The following KCND2 variants were observed in gnomAD, a reference collection of about 807,000 sequenced individuals.
KCND2 encodes potassium voltage-gated channel subfamily D member 2.
Under a neutral mutation model 54.4 loss-of-function variants are expected in KCND2, and 16 were observed. That is an observed-to-expected ratio of 0.29 (90% CI 0.20 to 0.45). KCND2 has a LOEUF of 0.45. Ranked by LOEUF, KCND2 falls within the 20% of genes least tolerant of loss-of-function variation. KCND2 has a pLI of 1.00. For missense variants in KCND2, 486 were observed against 824.2 expected, an observed-to-expected ratio of 0.59 and a Z score of 5.02; for synonymous variants, 317 against 310.7, an observed-to-expected ratio of 1.02 and a Z score of -0.21.
In KCND2 at chr7:120,596,020, T is replaced by A. The variant is rs546804391; in HGVS notation, c.1116-136883T>A. 6.6e-5 allele frequency among the ~76,000 whole-genome samples: 10 copies of A among 152,226 alleles called. No individual in the cohort carries two copies. The East Asian group carries it at 1.7e-3, about 26-fold the overall frequency. On this transcript the variant is annotated intron_variant, in intron 1 of 5. Coordinates refer to ENST00000331113, the MANE Select transcript of KCND2 (RefSeq NM_012281.3). The stretch of plus-strand genomic sequence containing the variant: ...TGTTGACCTTTTATTTGCCGTTTTG[T>A]TAGTGTTAATGAAACCAGACCCCAA...
At chr7:120,643,715 A>G (rs1388938790) in intron 1 of KCND2, among the ~76,000 whole-genome samples, 1 of 151,812 alleles carries the variant, frequency 6.6e-6, no homozygotes, top group African/African-American at 2.4e-5. Context: ...TATTACATAC[A>G]TACAGTGCAA....
chr7:120,564,840 A>C (rs1690251196), intron 1 of KCND2, among the ~76,000 whole-genome samples: 2 of 152,178 alleles, frequency 1.3e-5, no homozygotes, highest in African/African-American at 4.8e-5. Flanking sequence ...TTTACATTTT[A>C]ATGAGCACCT....
chr7:120,432,730 C>T lies in KCND2; in HGVS notation c.1115+156983C>T, dbSNP rs150993184. ...CACGATCTCGGCTCACTGCAACCTC[C>T]ACCTCTATGGATATAATTTTTATCA... On this transcript the variant is annotated intron_variant, in intron 1 of 5. Transcript: ENST00000331113. 1.3e-3 allele frequency among the ~76,000 whole-genome samples: 205 copies of T among 152,174 alleles called. 1 individual carries two copies. Among genetic ancestry groups the T allele is most frequent in the African/African-American group, 4.9e-3 (202 of 41,500 alleles).
chr7:120,742,536 T>C lies in KCND2; in HGVS notation c.1401T>C (p.Val467=). The C allele has an allele frequency of 6.2e-7, 1 of 1,613,640 alleles. No homozygotes were observed. Among genetic ancestry groups the C allele is most frequent in the Non-Finnish European group, 8.5e-7 (1 of 1,179,622 alleles). ...LQSSEDEQAF[V]SKSGSSFETQ... The stretch of plus-strand genomic sequence containing the variant: ...CCTCAGAGGATGAGCAGGCTTTTGT[T>C]AGCAAATCCGGCTCCAGCTTTGAAA... Residue 467 remains valine, a synonymous_variant, in exon 4 of 6, where the codon GTT becomes GTC. Transcript: ENST00000331113.
chr7:120,392,515 A>G (rs1390437540), intron 1 of KCND2, among the ~76,000 whole-genome samples: 1 of 151,848 alleles, frequency 6.6e-6, no homozygotes, highest in African/African-American at 2.4e-5. Flanking sequence ...TCTAAGAATA[A>G]AAACCTTACT....
intron 1 of KCND2, among the ~76,000 whole-genome samples, chr7:120,454,618 A>G (rs1164224046): frequency 2.6e-5 from 4 of 151,848 alleles, no homozygotes; most frequent in Non-Finnish European, 5.9e-5. Context: ...AAATTCTATC[A>G]GATATATAAA....
chr7:120,348,648 C>A (rs1290720047), intron 1 of KCND2, among the ~76,000 whole-genome samples: 1 of 152,166 alleles, frequency 6.6e-6, no homozygotes, highest in Non-Finnish European at 1.5e-5. Context: ...ATTACAACTT[C>A]TTTGTGAGCA....
rs1224626968 is a variant in KCND2 at position 120,525,694 on chromosome 7, A to C, written c.1116-207209A>C. ...ATACAAGCTTTTGCTTGCTAAGGCA[A>C]GTGAACACAATGTGCCTAGCGTAAA... is the stretch of plus-strand genomic sequence containing the variant. On this transcript the variant is annotated intron_variant, in intron 1 of 5. Coordinates refer to ENST00000331113, the MANE Select transcript of KCND2 (RefSeq NM_012281.3). Among the ~76,000 whole-genome samples, 95 of 152,182 alleles carry C rather than the reference A, an allele frequency of 6.2e-4. 2 individuals carry two copies. Among genetic ancestry groups the C allele is most frequent in the Non-Finnish European group, 5.9e-5 (4 of 68,032 alleles).
intron 1 of KCND2, among the ~76,000 whole-genome samples, chr7:120,613,886 A>G (rs902211608): frequency 3.3e-5 from 5 of 152,304 alleles, no homozygotes; most frequent in Middle Eastern, 3.4e-3. Context: ...TTTTTTGCCA[A>G]GCTCTAGAAA....
At chr7:120,404,133 G>T (rs961160037) in intron 1 of KCND2, among the ~76,000 whole-genome samples, 1 of 152,098 alleles carries the variant, frequency 6.6e-6, no homozygotes, top group Non-Finnish European at 1.5e-5. Context: ...TTTATTTTCT[G>T]ACAAGTTTAC....
At chr7:120,636,007 T>C (rs1429768581) in intron 1 of KCND2, among the ~76,000 whole-genome samples, 1 of 152,154 alleles carries the variant, frequency 6.6e-6, no homozygotes, top group East Asian at 1.9e-4. Flanking sequence ...AGCTAAGTGC[T>C]GAAACGCAAC....
chr7:120,406,701 A>G (rs1455242808), intron 1 of KCND2, among the ~76,000 whole-genome samples: 1 of 151,994 alleles, frequency 6.6e-6, no homozygotes, highest in African/African-American at 2.4e-5. Flanking sequence ...AATTGAGCTG[A>G]GAAATGAAGA....
chr7:120,710,954 A>C (rs1367959158), intron 1 of KCND2, among the ~76,000 whole-genome samples: 3 of 152,114 alleles, frequency 2.0e-5, no homozygotes, highest in Non-Finnish European at 2.9e-5. Context: ...GTATATTCGT[A>C]TGCCCTTGAT....
intron 1 of KCND2, among the ~76,000 whole-genome samples, chr7:120,426,285 A>G (rs981588336): frequency 8.5e-5 from 13 of 152,208 alleles, no homozygotes; most frequent in Non-Finnish European, 1.6e-4. Context: ...CTTCATTTGT[A>G]TAACATTCTC....
chr7:120,686,056 C>T (rs1356496921), intron 1 of KCND2, among the ~76,000 whole-genome samples: 1 of 152,118 alleles, frequency 6.6e-6, no homozygotes, highest in African/African-American at 2.4e-5. Flanking sequence ...CAAAGAAAGG[C>T]ATTAATACTT....
chr7:120,416,684 A>G (rs1165426638), intron 1 of KCND2, among the ~76,000 whole-genome samples: 1 of 151,410 alleles, frequency 6.6e-6, no homozygotes, highest in Non-Finnish European at 1.5e-5. Flanking sequence ...GAAAAGTACA[A>G]CCCTCATTTC....
intron 1 of KCND2, among the ~76,000 whole-genome samples, chr7:120,603,957 AT>A (rs1406415775): frequency 6.6e-6 from 1 of 152,154 alleles, no homozygotes; most frequent in Non-Finnish European, 1.5e-5. Flanking sequence ...ACAGACCTGG[AT>A]TCAGGACTGA....
At chr7:120,422,752 G>T (rs1445982861) in intron 1 of KCND2, among the ~76,000 whole-genome samples, 3 of 152,148 alleles carry the variant, frequency 2.0e-5, no homozygotes, top group African/African-American at 7.2e-5. Flanking sequence ...GTCTGTGAAG[G>T]TAGCTCCAAG....
intron 1 of KCND2, among the ~76,000 whole-genome samples, chr7:120,387,905 A>C (rs1173430178): frequency 6.6e-6 from 1 of 152,072 alleles, no homozygotes; most frequent in African/African-American, 2.4e-5. Context: ...CATTCCAAAC[A>C]AACACAAATC....
Sources: allele counts gnomAD v4.1 joint callset (sites outside exome capture counted in the v4.1 genomes callset), GRCh38; gene constraint gnomAD v4.1.1; transcripts MANE v1.5; gene names NCBI Gene and HGNC (gene_info 2026-07-23, HGNC 2026-07-21).